Variants in PTPRN2 observed in about 807,000 individuals in gnomAD.
The protein encoded by PTPRN2 is receptor-type tyrosine-protein phosphatase N2.
In PTPRN2, 74 loss-of-function variants were observed where a neutral mutation model predicts 118.8. The observed-to-expected ratio is 0.62, with a 90% CI of 0.52 to 0.76. The LOEUF (loss-of-function observed/expected upper bound fraction) is 0.76, where lower values mean the gene tolerates loss of function less well. Ranked by LOEUF, PTPRN2 falls within the 30% of genes least tolerant of loss-of-function variation. The pLI is 0.00. For synonymous variants in PTPRN2, 641 were observed against 608.0 expected (o/e 1.05, Z -0.80); for missense variants, 1,481 against 1,394.4 (o/e 1.06, Z -0.99).
chr7:158,177,487 T>A (rs1824319445), intron 5 of PTPRN2, among the ~76,000 whole-genome samples: 1 of 152,188 alleles, frequency 6.6e-6, no homozygotes, highest in African/African-American at 2.4e-5. Context: ...GGCATGACAA[T>A]GAACACGTCC....
intron 9 of PTPRN2, among the ~76,000 whole-genome samples, chr7:158,130,926 C>CACTCATACAT (rs1370714635): frequency 6.6e-6 from 1 of 151,440 alleles, no homozygotes; most frequent in Admixed American, 6.6e-5. Context: ...CACTCATACA[C>CACTCATACAT]ACACATGCAT....
rs566170810 is a variant in PTPRN2, at chr7:157,907,002, G to A, written c.1724-8265C>T. Among the ~76,000 whole-genome samples the A allele has an allele frequency of 3.3e-5, 5 of 152,326 alleles. No homozygotes were observed. The East Asian group carries it at 7.7e-4, about 24-fold the overall frequency. On this transcript the variant is annotated intron_variant, in intron 11 of 22. Transcript: ENST00000389418. ...CTCACTCAGCAAATCCTGAGATCCCGAGATCCTGACACCCTGACACCTGTT... is the reference window on the plus strand; with the variant it reads ...CTCACTCAGCAAATCCTGAGATCCCAAGATCCTGACACCCTGACACCTGTT...
chr7:158,436,160 A>C (rs1816560703), intron 2 of PTPRN2, among the ~76,000 whole-genome samples: 1 of 152,206 alleles, frequency 6.6e-6, no homozygotes, highest in Non-Finnish European at 1.5e-5. Context: ...ACCTGAGAAC[A>C]CTAACTCCTT....
intron 12 of PTPRN2, among the ~76,000 whole-genome samples, chr7:157,802,118 T>C (rs1314023365): frequency 6.6e-6 from 1 of 152,196 alleles, no homozygotes; most frequent in African/African-American, 2.4e-5. Flanking sequence ...AGGCCCACCG[T>C]GTTGACACTT....
intron 3 of PTPRN2, among the ~76,000 whole-genome samples, chr7:158,293,358 C>G (rs1800245712): frequency 6.6e-6 from 1 of 151,994 alleles, no homozygotes; most frequent in Non-Finnish European, 1.5e-5. Context: ...AGGTGATCAC[C>G]TGAAGTCAGG....
At chr7:157,621,631 C>A (rs1803254297) in intron 14 of PTPRN2, 122 bp from the exon 15 acceptor site, 1 of 1,298,980 alleles carries the variant, frequency 7.7e-7, no homozygotes, top group Admixed American at 1.9e-5. Flanking sequence ...GCTCACGAGC[C>A]TGGGCCATGG....
At chr7:158,273,020 C>T (rs1333625524) in intron 3 of PTPRN2, among the ~76,000 whole-genome samples, 1 of 152,148 alleles carries the variant, frequency 6.6e-6, no homozygotes, top group African/African-American at 2.4e-5. Flanking sequence ...CCATGGGCCT[C>T]CAAACAGCTC....
intron 5 of PTPRN2, among the ~76,000 whole-genome samples, chr7:158,191,224 C>T (rs1825739844): frequency 6.6e-6 from 1 of 152,174 alleles, no homozygotes; most frequent in Non-Finnish European, 1.5e-5. Flanking sequence ...AGAAACTGGG[C>T]CCACATTGCT....
intron 11 of PTPRN2, among the ~76,000 whole-genome samples, chr7:158,036,219 G>A (rs1808080375): frequency 6.6e-6 from 1 of 152,050 alleles, no homozygotes; most frequent in South Asian, 2.1e-4. Flanking sequence ...GTAATTGGAA[G>A]ACATAAGTGA....
Position 158,529,947 on chromosome 7 carries a change from CACAT to C in PTPRN2, c.113-40166_113-40163del, listed in dbSNP as rs1182095387. 1.3e-5 allele frequency among the ~76,000 whole-genome samples: 2 copies of C among 152,036 alleles called. No individual in the cohort carries two copies. The highest frequency in any genetic ancestry group is 6.6e-5 in the Admixed American group (1 of 15,254). On this transcript the variant is annotated intron_variant, in intron 1 of 22. Transcript: ENST00000389418. This position sits in a 1 kb window ranked among gnomAD's most constrained non-coding sequence, Gnocchi z 4.7. Reference sequence around the variant, plus strand: ...ACCACACACATGCACACATGTATCTCACATACCACACACAAGCATGCACGCCACA... The same window carrying C: ...ACCACACACATGCACACATGTATCTCACCACACACAAGCATGCACGCCACA...
intron 2 of PTPRN2, among the ~76,000 whole-genome samples, chr7:158,388,409 T>C (rs895682499): frequency 6.6e-6 from 1 of 152,080 alleles, no homozygotes; most frequent in Non-Finnish European, 1.5e-5. Context: ...CACAACCTCC[T>C]CGGGTGCAAT....
intron 11 of PTPRN2, among the ~76,000 whole-genome samples, chr7:158,006,234 A>G (rs572882310): frequency 5.3e-4 from 81 of 152,314 alleles, no homozygotes; most frequent in African/African-American, 1.9e-3. Context: ...CTGAGTTCAC[A>G]TCCCTTTTCC....
At chr7:158,294,711 G>C (rs971117263) in intron 3 of PTPRN2, among the ~76,000 whole-genome samples, 1 of 152,204 alleles carries the variant, frequency 6.6e-6, no homozygotes, top group Admixed American at 6.5e-5. Context: ...GCCACAAGGA[G>C]ACCTGGGAGC....
At chr7:158,229,533 G>A (rs1829032174) in intron 3 of PTPRN2, among the ~76,000 whole-genome samples, 1 of 151,888 alleles carries the variant, frequency 6.6e-6, no homozygotes, top group Non-Finnish European at 1.5e-5. Flanking sequence ...TTAACAAAGA[G>A]ATTGAAACAA....
At chr7:158,406,136 ACG>A (rs1813408798) in intron 2 of PTPRN2, among the ~76,000 whole-genome samples, 1 of 108,210 alleles carries the variant, frequency 9.2e-6, no homozygotes, top group African/African-American at 3.8e-5. Flanking sequence ...TCCGTGAGAC[ACG>A]TGGCCGCACA....
rs186283258 is a variant in PTPRN2, at chr7:157,709,999, G to A, written c.1789-27062C>T. 1.4e-3 allele frequency among the ~76,000 whole-genome samples: 212 copies of A among 152,278 alleles called. 1 individual carries two copies. Among genetic ancestry groups the A allele is most frequent in the Admixed American group, 2.9e-3 (45 of 15,296 alleles). On this transcript the variant is annotated intron_variant, in intron 12 of 22. Coordinates refer to ENST00000389418, the MANE Select transcript of PTPRN2 (RefSeq NM_002847.5). ...AACCGTGGATGCTGGAGAGAGGAGCGTGAGGCATACAGAGGCCCAGGTGGC... is the reference window on the plus strand; with the variant it reads ...AACCGTGGATGCTGGAGAGAGGAGCATGAGGCATACAGAGGCCCAGGTGGC...
chr7:157,818,018 G>A (rs183964007), intron 12 of PTPRN2, among the ~76,000 whole-genome samples: 53 of 152,076 alleles, frequency 3.5e-4, no homozygotes, highest in Middle Eastern at 3.4e-3. Context: ...TGTGTGCGGT[G>A]TGTGTATATA....
intron 2 of PTPRN2, among the ~76,000 whole-genome samples, chr7:158,336,045 T>C (rs376934787): frequency 4.6e-3 from 23 of 4,986 alleles, no homozygotes; most frequent in East Asian, 7.4e-3. Flanking sequence ...CACCTGCAAA[T>C]GTCACTCACA....
At chr7:158,041,828 C>T (rs904596283) in intron 11 of PTPRN2, among the ~76,000 whole-genome samples, 3 of 152,206 alleles carry the variant, frequency 2.0e-5, no homozygotes, top group Non-Finnish European at 4.4e-5. Flanking sequence ...TAAGTCTTTG[C>T]TGTCATTGAC....
Sources: gnomAD v4.1 joint callset for allele counts (sites outside exome capture counted in the v4.1 genomes callset) on GRCh38, gnomAD v4.1.1 for gene constraint, Gnocchi (gnomAD v3.1) non-coding constraint, MANE v1.5 for transcripts, NCBI Gene and HGNC (gene_info 2026-07-23, HGNC 2026-07-21) for gene names.